The following SRPX variants were observed in gnomAD, a reference collection of about 807,000 sequenced individuals.
SRPX encodes the protein sushi repeat containing protein X-linked, also known as sushi repeat-containing protein SRPX.
Under a neutral mutation model 38.1 loss-of-function variants are expected in SRPX, and 24 were observed. The observed-to-expected ratio is 0.63, with a 90% confidence interval of 0.46 to 0.89. The LOEUF is 0.89. Ranked by LOEUF, SRPX falls within the 40% of genes least tolerant of loss-of-function variation. The pLI is 0.00. For missense variants in SRPX, 416 were observed against 377.8 expected (o/e 1.10, Z -0.84); for synonymous variants, 184 against 153.8 (o/e 1.20, Z -1.45).
chrX:38,154,488 C>T lies in SRPX; in HGVS notation c.1185G>A (p.Met395Ile). ...TLIGRIGAKI[M>I]PPALALQLRL... Reference sequence around the variant, plus strand: ...TGAGCTGCAGCGCTAGGGCTGGAGGCATAATCTTTGCTCCTATCCTGCCAA... The same window carrying T: ...TGAGCTGCAGCGCTAGGGCTGGAGGTATAATCTTTGCTCCTATCCTGCCAA... The change falls in exon 9 of 10, where the codon ATG (methionine) becomes ATA (isoleucine). Residue 395 changes from methionine to isoleucine, a missense_variant. Coordinates refer to ENST00000378533, the MANE Select transcript of SRPX (RefSeq NM_006307.5). The T allele has an allele frequency of 8.3e-7, 1 of 1,206,162 alleles. No homozygotes were observed.
chrX:38,196,237 G>A, intron 1 of SRPX, among the ~76,000 whole-genome samples: 1 of 112,153 alleles, frequency 8.9e-6, no homozygotes, highest in Non-Finnish European at 1.9e-5. Context: ...GCCTCCTCTA[G>A]TAAATCTAGT....
At chrX:38,158,684 A>G (rs548855711) in intron 7 of SRPX, among the ~76,000 whole-genome samples, 2 of 111,752 alleles carry the variant, frequency 1.8e-5, no homozygotes, top group South Asian at 7.6e-4. Flanking sequence ...TTGCCTCATT[A>G]AAAAAGTGTA....
intron 5 of SRPX, among the ~76,000 whole-genome samples, chrX:38,163,066 A>G (rs997606466): frequency 6.2e-5 from 7 of 112,400 alleles, no homozygotes; most frequent in Non-Finnish European, 1.1e-4. Flanking sequence ...ATAAAACCCA[A>G]TCCCTGATAA....
At chrX:38,151,712 T>C (rs926919639) in intron 9 of SRPX, among the ~76,000 whole-genome samples, 1 of 111,289 alleles carries the variant, frequency 9.0e-6, no homozygotes, top group Non-Finnish European at 1.9e-5. Context: ...GGATGAATGA[T>C]CAAACACCAC....
chrX:38,165,290 A>G (rs1938345543), intron 4 of SRPX, among the ~76,000 whole-genome samples: 2 of 112,230 alleles, frequency 1.8e-5, no homozygotes, highest in Non-Finnish European at 3.8e-5. Flanking sequence ...GGAATATTAC[A>G]GAAAGGCATT....
intron 3 of SRPX, among the ~76,000 whole-genome samples, chrX:38,173,852 G>C (rs937160509): frequency 1.8e-5 from 2 of 111,760 alleles, no homozygotes; most frequent in African/African-American, 6.5e-5. Flanking sequence ...CCTCTTCATG[G>C]CAGGACCCAT....
At chrX:38,161,479 T>A (rs760688849) in intron 5 of SRPX, among the ~76,000 whole-genome samples, 2 of 101,742 alleles carry the variant, frequency 2.0e-5, no homozygotes, top group Non-Finnish European at 4.0e-5. Context: ...TCACTGGCAA[T>A]TTGGGCCTGC....
At chrX:38,152,405 G>C (rs1938033720) in intron 9 of SRPX, among the ~76,000 whole-genome samples, 1 of 112,109 alleles carries the variant, frequency 8.9e-6, no homozygotes, top group African/African-American at 3.2e-5. Flanking sequence ...AACTGTAAAG[G>C]CTTTGGTAAA....
Position 38,154,585 on chromosome X carries a change from T to A in SRPX, c.1090-2A>T. The stretch of plus-strand genomic sequence containing the variant: ...AAGATCAAGGCCACACTGTGCTTGC[T>A]GGGAAAAAGAAAACCCAACAGGGGA... On this transcript the variant is annotated splice_acceptor_variant, in intron 8 of 9. Coordinates refer to ENST00000378533, the MANE Select transcript of SRPX (RefSeq NM_006307.5). LOFTEE classifies it high-confidence loss of function. 1 of 1,207,162 alleles carries A rather than the reference T, an allele frequency of 8.3e-7. No homozygotes were observed. Among genetic ancestry groups the A allele is most frequent in the Non-Finnish European group, 1.1e-6 (1 of 893,919 alleles).
chrX:38,174,198 T>C lies in SRPX; in HGVS notation c.311A>G (p.Gln104Arg). Residue 104 changes from glutamine to arginine, a missense_variant, in exon 3 of 10, where the codon CAG (glutamine) becomes CGG (arginine). Coordinates refer to ENST00000378533, the MANE Select transcript of SRPX (RefSeq NM_006307.5). ...CTTGTCAGACCATCGTTTGTTTGAC[T>C]GGCAGATCAGTAGGGAAGAGCCATG... Reference protein sequence around the residue: ...ELHGSSLLICQSNKRWSDKVI... With the variant: ...ELHGSSLLICRSNKRWSDKVI... 1 of 1,121,813 alleles carries C rather than the reference T, an allele frequency of 8.9e-7. No individual in the cohort carries two copies. The highest frequency in any genetic ancestry group is 2.4e-5 in the South Asian group (1 of 42,280). The allele number at this position is 1,121,813 out of a possible 1,213,427, so 92.4% of individuals were successfully genotyped here.
rs1357601574 is a variant in SRPX, at chrX:38,208,784, T to G, written c.97+11912A>C. On this transcript the variant is annotated intron_variant, in intron 1 of 9. Coordinates refer to ENST00000378533, the MANE Select transcript of SRPX (RefSeq NM_006307.5). ...GCCTTGACCACCTGGGTTCAAGCGA[T>G]CCTCCCACCTCAGCCCCTGAGTAGC... 2.8e-5 allele frequency among the ~76,000 whole-genome samples: 3 copies of G among 107,896 alleles called. No individual in the cohort carries two copies. The Admixed American group carries it at 3.0e-4, about 11-fold the overall frequency. 93.7% of individuals were successfully genotyped at this position (107,896 alleles called of 115,157 possible).
chrX:38,185,523 C>T (rs775350256), intron 1 of SRPX, among the ~76,000 whole-genome samples: 1 of 111,549 alleles, frequency 9.0e-6, no homozygotes, highest in Non-Finnish European at 1.9e-5. Flanking sequence ...GGCAAAATTA[C>T]GGCTGTAAAA....
chrX:38,180,995 T>A (rs1269523439), intron 1 of SRPX, among the ~76,000 whole-genome samples: 1 of 112,671 alleles, frequency 8.9e-6, no homozygotes, highest in Non-Finnish European at 1.9e-5. Context: ...GACTATATAC[T>A]ATATATACGA....
At chrX:38,149,986 AGAGAAAGCTT>A in intron 9 of SRPX, 92 bp from the exon 10 acceptor site, 3 of 814,688 alleles carry the variant, frequency 3.7e-6, no homozygotes, top group Non-Finnish European at 5.0e-6. Context: ...GACAGTGTGC[AGAGAAAGCTT>A]TGATACAATG....
Position 38,174,323 on chromosome X carries a change from C to G in SRPX, c.186G>C (p.Val62=). Residue 62 remains valine (V), a synonymous_variant, in exon 3 of 10, where the codon GTG becomes GTC. Coordinates refer to ENST00000378533, the MANE Select transcript of SRPX (RefSeq NM_006307.5). ...KDTPWCSPIK[V]KYGDVYCRAP... ...CCCTGCAGTACACATCCCCATACTT[C>G]ACCTTGATGGGGGAGCACCACGGGG... 4.7e-6 allele frequency: 5 copies of G among 1,056,534 alleles called. No individual in the cohort carries two copies. The highest frequency in any genetic ancestry group is 6.1e-6 in the Non-Finnish European group (5 of 814,212). The allele number at this position is 1,056,534 out of a possible 1,213,427, so 87.1% of individuals were successfully genotyped here. A position where few individuals can be genotyped will look rare whatever the true frequency, so the allele number is the denominator to read the frequency against.
intron 8 of SRPX, among the ~76,000 whole-genome samples, chrX:38,156,559 G>A (rs192384262): frequency 8.9e-6 from 1 of 111,894 alleles, no homozygotes; most frequent in African/African-American, 3.3e-5. Flanking sequence ...AATGTGGGCA[G>A]GCAACCAATT....
chrX:38,179,173 C>T (rs1471362130), intron 1 of SRPX, among the ~76,000 whole-genome samples: 3 of 110,774 alleles, frequency 2.7e-5, no homozygotes, highest in Admixed American at 9.6e-5. Context: ...CGCGAACTCC[C>T]GACCTCAGAT....
At chrX:38,181,362 A>C (rs1247780064) in intron 1 of SRPX, among the ~76,000 whole-genome samples, 2 of 112,494 alleles carry the variant, frequency 1.8e-5, no homozygotes, top group Non-Finnish European at 3.8e-5. Context: ...TGAAAAGTAC[A>C]GTTTCTAGAT....
intron 5 of SRPX, among the ~76,000 whole-genome samples, chrX:38,163,444 C>T (rs770889723): frequency 8.9e-6 from 1 of 112,029 alleles, no homozygotes; most frequent in African/African-American, 3.3e-5. Flanking sequence ...CAGTGGGGAA[C>T]TCTAATATGC....
Sources: allele counts gnomAD v4.1 joint callset (sites outside exome capture counted in the v4.1 genomes callset), GRCh38; gene constraint gnomAD v4.1.1; transcripts MANE v1.5; gene names NCBI Gene and HGNC (gene_info 2026-07-23, HGNC 2026-07-21).